ABLIM3: variants seen among roughly 807,000 people sequenced by gnomAD.
ABLIM3 encodes actin-binding LIM protein 3.
A neutral mutation model predicts 109.5 loss-of-function variants in ABLIM3; 61 were observed. That is an observed-to-expected ratio of 0.56 (90% confidence interval 0.45 to 0.69). ABLIM3 has a LOEUF of 0.69. Among genes scored for constraint, ABLIM3 ranks in the 30% least tolerant of loss-of-function variants. The pLI is 0.00. For missense variants in ABLIM3, 796 were observed against 889.5 expected (o/e 0.89, Z 1.34); for synonymous variants, 300 against 324.8 (o/e 0.92, Z 0.82).
Position 149,239,764 on chromosome 5 carries a change from C to T in ABLIM3, c.1080C>T (p.Ile360=). 1.2e-6 allele frequency: 2 copies of T among 1,603,962 alleles called. No homozygotes were observed. Among genetic ancestry groups the T allele is most frequent in the Non-Finnish European group, 1.7e-6 (2 of 1,175,314 alleles). Residue 360 remains isoleucine, a synonymous_variant, in exon 13 of 24, where the codon ATC becomes ATT. Coordinates refer to ENST00000309868, the MANE Select transcript of ABLIM3 (RefSeq NM_014945.5). ...AGCCCCATTTCCTCTCCCAGGACAT[C>T]TACGAGAACCTGGACCTCCGGCAGA... ...LGTLSPYSQD[I]YENLDLRQRR... is the part of the protein sequence containing the mutation.
chr5:149,186,475 A>ATTG (rs1756970640), intron 3 of ABLIM3, among the ~76,000 whole-genome samples: 1 of 152,136 alleles, frequency 6.6e-6, no homozygotes, highest in Non-Finnish European at 1.5e-5. Context: ...CACCCTTTAC[A>ATTG]TGGATTCATG....
chr5:149,252,646 T>C, intron 22 of ABLIM3, 111 bp from the exon 23 acceptor site: 1 of 824,826 alleles, frequency 1.2e-6, no homozygotes, highest in Non-Finnish European at 2.0e-6. Flanking sequence ...CCTCCAGACT[T>C]AATTTCTGGC....
chr5:149,252,877 G>A, intron 23 of ABLIM3, 40 bp downstream of exon 23: 1 of 1,524,266 alleles, frequency 6.6e-7, no homozygotes. Context: ...TGGGTTGGAA[G>A]AAATTTCAGA....
intron 2 of ABLIM3, among the ~76,000 whole-genome samples, chr5:149,176,575 C>A (rs1259613820): frequency 2.0e-5 from 3 of 152,086 alleles, no homozygotes; most frequent in Non-Finnish European, 4.4e-5. Flanking sequence ...GGTCTCAGGT[C>A]TCTGAGTTTC....
intron 2 of ABLIM3, among the ~76,000 whole-genome samples, chr5:149,174,255 G>C (rs1196315637): frequency 6.6e-6 from 1 of 150,850 alleles, no homozygotes; most frequent in South Asian, 2.1e-4. Context: ...TTCATTTCAA[G>C]AAAGTCTTCA....
chr5:149,144,077 G>T (rs557045106), intron 2 of ABLIM3, among the ~76,000 whole-genome samples: 1 of 152,170 alleles, frequency 6.6e-6, no homozygotes, highest in African/African-American at 2.4e-5. Context: ...TTAAGAAAAA[G>T]AAAGAAAGAA....
intron 9 of ABLIM3, among the ~76,000 whole-genome samples, chr5:149,230,908 A>G (rs1761790914): frequency 6.6e-6 from 1 of 151,974 alleles, no homozygotes; most frequent in East Asian, 1.9e-4. Context: ...ATATGAAAGC[A>G]CTCTGAAAAC....
chr5:149,198,477 G>A lies in ABLIM3; in HGVS notation c.335+75G>A. 6.8e-7 allele frequency: 1 copy of A among 1,474,488 alleles called. No homozygotes were observed. Among genetic ancestry groups the A allele is most frequent in the Non-Finnish European group, 9.0e-7 (1 of 1,110,218 alleles). 91.3% of individuals were successfully genotyped at this position (1,474,488 alleles called of 1,614,324 possible). On this transcript the variant is annotated intron_variant, in intron 4 of 23. Transcript: ENST00000309868. The surrounding 1 kb of genome is among the most constrained non-coding windows in gnomAD (Gnocchi z 4.2). ...GCAGGGGAAGACCTGGCTTTTTCCAGGAAGTTCTGGGGTTTACAAGGTTTG... is the reference window on the plus strand; with the variant it reads ...GCAGGGGAAGACCTGGCTTTTTCCAAGAAGTTCTGGGGTTTACAAGGTTTG...
At chr5:149,165,201 A>G (rs921339818) in intron 2 of ABLIM3, among the ~76,000 whole-genome samples, 19 of 152,178 alleles carry the variant, frequency 1.2e-4, no homozygotes, top group African/African-American at 4.6e-4. Context: ...GGCTTTGTAA[A>G]ATAGGTATAA....
At chr5:149,171,744 T>C (rs1755455280) in intron 2 of ABLIM3, among the ~76,000 whole-genome samples, 1 of 152,230 alleles carries the variant, frequency 6.6e-6, no homozygotes, top group Admixed American at 6.5e-5. Context: ...TCCTGACTGC[T>C]TTAGTGACCA....
intron 6 of ABLIM3, among the ~76,000 whole-genome samples, chr5:149,210,405 C>T (rs774949039): frequency 3.2e-4 from 49 of 152,170 alleles, no homozygotes; most frequent in Admixed American, 1.1e-3. Context: ...GCCCGGCGCA[C>T]ACCAGCAACA....
At chr5:149,180,432 C>T (rs968892705) in intron 2 of ABLIM3, among the ~76,000 whole-genome samples, 1 of 152,150 alleles carries the variant, frequency 6.6e-6, no homozygotes, top group Non-Finnish European at 1.5e-5. Flanking sequence ...TAAAATCTTA[C>T]TGGAAATGAG....
At chr5:149,222,367 A>G (rs1002908578) in intron 8 of ABLIM3, among the ~76,000 whole-genome samples, 4 of 152,108 alleles carry the variant, frequency 2.6e-5, no homozygotes, top group African/African-American at 9.7e-5. Flanking sequence ...GGGTTCTTGG[A>G]GGCAATTTTC....
chr5:149,217,282 C>T, intron 8 of ABLIM3: 1 of 550,884 alleles, frequency 1.8e-6, no homozygotes, highest in Non-Finnish European at 3.3e-6. Flanking sequence ...CCACCCGCTG[C>T]CCAGCTGGAC....
Position 149,242,519 on chromosome 5 carries a change from C to A in ABLIM3, c.1332C>A (p.Pro444=), listed in dbSNP as rs61733085. The change falls in exon 15 of 24, where the codon CCC becomes CCA. Residue 444 remains proline (P), a synonymous_variant. Coordinates refer to ENST00000309868, the MANE Select transcript of ABLIM3 (RefSeq NM_014945.5). The stretch of plus-strand genomic sequence containing the variant: ...GAGACAGTAACATCTACCGGAAACC[C>A]CCGATCTACAAACGGCATGGTATGG... ...PAGDSNIYRK[P]PIYKRHGDLS... 9.0e-3 allele frequency: 14,483 copies of A among 1,613,892 alleles called. 82 individuals are homozygous for A. Among genetic ancestry groups the A allele is most frequent in the Middle Eastern group, 0.024 (147 of 6,060 alleles).
chr5:149,164,175 T>C (rs976783359), intron 2 of ABLIM3: 1 of 152,222 alleles, frequency 6.6e-6, no homozygotes, highest in Non-Finnish European at 1.5e-5. Flanking sequence ...CAGCGTTGTT[T>C]AGCCACAGAA....
At chr5:149,156,429 A>G (rs1311376328) in intron 2 of ABLIM3, among the ~76,000 whole-genome samples, 1 of 152,246 alleles carries the variant, frequency 6.6e-6, no homozygotes, top group African/African-American at 2.4e-5. Context: ...ATACTCAGTA[A>G]TGATTAATAG....
At chr5:149,233,377 G>A in intron 10 of ABLIM3, 77 bp downstream of exon 10, 1 of 1,451,408 alleles carries the variant, frequency 6.9e-7, no homozygotes, top group East Asian at 2.3e-5. Context: ...AAGGATAAGG[G>A]AGCTCTCAAG....
At chr5:149,255,250 T>C (rs1754328939) in intron 23 of ABLIM3, among the ~76,000 whole-genome samples, 1 of 152,230 alleles carries the variant, frequency 6.6e-6, no homozygotes, top group Non-Finnish European at 1.5e-5. Flanking sequence ...GTCCTGAGAC[T>C]GTGGGCCCCT....
Sources: gnomAD v4.1 joint callset for allele counts (sites outside exome capture counted in the v4.1 genomes callset) on GRCh38, gnomAD v4.1.1 for gene constraint, Gnocchi (gnomAD v3.1) non-coding constraint, MANE v1.5 for transcripts, NCBI Gene and HGNC (gene_info 2026-07-23, HGNC 2026-07-21) for gene names.